The following TEF variants were observed in gnomAD, a reference collection of about 807,000 sequenced individuals.
TEF encodes thyrotroph embryonic factor.
Under a neutral mutation model 20.8 loss-of-function variants are expected in TEF, and 3 were observed. The observed-to-expected ratio is 0.14, with a 90% CI of 0.07 to 0.37. The LOEUF (loss-of-function observed/expected upper bound fraction) is 0.37, where lower values mean the gene tolerates loss of function less well. Among genes scored for constraint, TEF ranks in the 10% least tolerant of loss-of-function variants. The pLI, the probability that TEF is intolerant of heterozygous loss-of-function variation, is 1.00. For missense variants in TEF, 296 were observed against 397.9 expected (o/e 0.74, Z 2.18); for synonymous variants, 180 against 171.1 (o/e 1.05, Z -0.41).
upstream of TEF, among the ~76,000 whole-genome samples, chr22:41,380,553 AC>A (rs540730946): frequency 6.8e-4 from 103 of 150,930 alleles, no homozygotes; most frequent in African/African-American, 2.4e-3. Context: ...TCACTATACC[AC>A]CCCCCCAACC....
intron 3 of TEF, among the ~76,000 whole-genome samples, 180 bp downstream of exon 3, chr22:41,394,496 T>C (rs2273071): frequency 0.61 from 93,022 of 152,114 alleles, 30,407 homozygotes; most frequent in Admixed American, 0.76. Flanking sequence ...AAGGGAGTCA[T>C]GTGGCATTTG....
upstream of TEF, among the ~76,000 whole-genome samples, chr22:41,381,502 GCCT>G (rs923734827): frequency 1.3e-5 from 2 of 152,326 alleles, no homozygotes; most frequent in Non-Finnish European, 2.9e-5. Context: ...GCTTTGGCCG[GCCT>G]GGCCGCTCCG....
chr22:41,379,997 G>C (rs1472322016), upstream of TEF, among the ~76,000 whole-genome samples: 3 of 151,980 alleles, frequency 2.0e-5, no homozygotes, highest in Non-Finnish European at 4.4e-5. Flanking sequence ...GAAAATGACT[G>C]AGGTTCAATT....
Position 41,397,311 on chromosome 22 carries a change from T to A in TEF, c.*1351T>A, listed in dbSNP as rs1370163713. Reference sequence around the variant, plus strand: ...ACTCCTTTCTCTTGTGTGGCGGGACTCGCCCTTTTGCTGTGCTCAGAAGAT... The same window carrying A: ...ACTCCTTTCTCTTGTGTGGCGGGACACGCCCTTTTGCTGTGCTCAGAAGAT... On this transcript the variant is annotated 3_prime_UTR_variant, in exon 4 of 4. Coordinates refer to ENST00000266304, the MANE Select transcript of TEF (RefSeq NM_003216.4). 5.1e-6 allele frequency: 2 copies of A among 391,438 alleles called. No homozygotes were observed. The highest frequency in any genetic ancestry group is 4.5e-5 in the Admixed American group (1 of 22,438). The allele number at this position is 391,438 out of a possible 1,614,324, so 24.2% of individuals were successfully genotyped here. A position where few individuals can be genotyped will look rare whatever the true frequency, so the allele number is the denominator to read the frequency against.
chr22:41,369,892 TTA>T, intron 1 of TEF: 4 of 985,386 alleles, frequency 4.1e-6, no homozygotes, highest in Non-Finnish European at 4.8e-6. Context: ...AAGGGGGCAG[TTA>T]TCTCTTTGGA....
chr22:41,379,936 TAAAAA>T (rs1171479319), upstream of TEF, among the ~76,000 whole-genome samples: 3 of 133,190 alleles, frequency 2.3e-5, no homozygotes, highest in East Asian at 2.0e-4. Flanking sequence ...GAAAAGAAAA[TAAAAA>T]GAAAAGGAGG....
chr22:41,386,001 A>G (rs1196048001), intron 1 of TEF, among the ~76,000 whole-genome samples: 2 of 146,850 alleles, frequency 1.4e-5, no homozygotes, highest in Non-Finnish European at 3.0e-5. Flanking sequence ...TAATTTTTGT[A>G]TTTTTAGGAG....
intron 1 of TEF, chr22:41,370,120 CTTTTT>C (rs762993542): frequency 1.8e-6 from 1 of 560,512 alleles, no homozygotes; most frequent in African/African-American, 2.0e-5. Context: ...CTCTTTCCCC[CTTTTT>C]TTTTTTTGAG....
At chr22:41,373,979 G>T (rs1014174013) in intron 1 of TEF, among the ~76,000 whole-genome samples, 1 of 152,008 alleles carries the variant, frequency 6.6e-6, no homozygotes, top group African/African-American at 2.4e-5. Flanking sequence ...GTCCAGGCTG[G>T]TCTGGAACTC....
At chr22:41,376,933 TC>T (rs2036949440) in intron 1 of TEF, among the ~76,000 whole-genome samples, 2 of 152,172 alleles carry the variant, frequency 1.3e-5, no homozygotes. Context: ...GAGGAAGGCC[TC>T]CCCACAAAGT....
intron 1 of TEF, among the ~76,000 whole-genome samples, chr22:41,385,269 A>G (rs1242684693): frequency 6.6e-6 from 1 of 152,126 alleles, no homozygotes; most frequent in African/African-American, 2.4e-5. Flanking sequence ...CTGAGGCAGG[A>G]GAATCGCTTG....
intron 1 of TEF, chr22:41,369,338 C>A: frequency 1.2e-6 from 1 of 818,968 alleles, no homozygotes; most frequent in Non-Finnish European, 1.5e-6. Context: ...CTTTGCCGAG[C>A]ACTGGCAAGC....
At chr22:41,376,221 G>A (rs1369667494) in intron 1 of TEF, among the ~76,000 whole-genome samples, 1 of 152,172 alleles carries the variant, frequency 6.6e-6, no homozygotes, top group African/African-American at 2.4e-5. Flanking sequence ...ACTGAACGAA[G>A]TTTTTGTTCT....
chr22:41,379,433 G>A (rs938219081), upstream of TEF, among the ~76,000 whole-genome samples: 9 of 152,212 alleles, frequency 5.9e-5, no homozygotes, highest in Admixed American at 1.3e-4. Flanking sequence ...CTTGAACTCA[G>A]GAGGCAGAGG....
At chr22:41,377,254 T>C (rs1348164557), upstream of TEF, 1 of 152,338 alleles carries the variant, frequency 6.6e-6, no homozygotes, top group East Asian at 1.9e-4. Flanking sequence ...ATCATTCCAA[T>C]TTTAGTATTT....
chr22:41,392,670 C>CAAA (rs920294546), intron 2 of TEF, among the ~76,000 whole-genome samples: 22 of 39,266 alleles, frequency 5.6e-4, no homozygotes, highest in African/African-American at 1.6e-3. Context: ...TGAGACTCTT[C>CAAA]AAAAAAAAAA....
Position 41,381,967 on chromosome 22 carries a change from G to T in TEF, c.-78G>T, listed in dbSNP as rs1307361362. The T allele has an allele frequency of 6.5e-6, 8 of 1,228,008 alleles. No individual in the cohort carries two copies. Among genetic ancestry groups the T allele is most frequent in the Non-Finnish European group, 8.1e-6 (8 of 985,690 alleles). The allele number at this position is 1,228,008 out of a possible 1,614,324, so 76.1% of individuals were successfully genotyped here. ...GCAGTAGCTGCCCGTGTCGGCAGCT[G>T]CAGCGGGTCGCACGGCTCCGGCCCA... On this transcript the variant is annotated 5_prime_UTR_variant, in exon 1 of 4. Transcript: ENST00000266304.
At chr22:41,380,457 A>G (rs149504126), upstream of TEF, among the ~76,000 whole-genome samples, 1,770 of 152,324 alleles carry the variant, frequency 0.012, 13 homozygotes, top group Admixed American at 0.02. Context: ...GCCCAGCCCC[A>G]GCAAAATTCT....
chr22:41,369,031 A>T, intron 1 of TEF: 1 of 980,574 alleles, frequency 1.0e-6, no homozygotes, highest in Non-Finnish European at 1.2e-6. Flanking sequence ...TTGGTCCAGG[A>T]ACCCAGGAAG....
Sources: gnomAD v4.1 joint callset for allele counts (sites outside exome capture counted in the v4.1 genomes callset) on GRCh38, gnomAD v4.1.1 for gene constraint, MANE v1.5 for transcripts, NCBI Gene and HGNC (gene_info 2026-07-23, HGNC 2026-07-21) for gene names.